Variants in RAD50 observed in about 807,000 individuals in gnomAD.
RAD50 encodes RAD50 double strand break repair protein, also known as DNA repair protein RAD50.
A neutral mutation model predicts 168.8 loss-of-function variants in RAD50; 132 were observed. The ratio of observed to expected loss-of-function variants is 0.78; its 90% CI spans 0.68 to 0.90. The LOEUF (loss-of-function observed/expected upper bound fraction) is 0.90, where lower values mean the gene tolerates loss of function less well. Among genes scored for constraint, RAD50 ranks in the 40% least tolerant of loss-of-function variants. RAD50 has a pLI of 0.00. For missense variants in RAD50, 1,347 were observed against 1,534.4 expected (o/e 0.88, Z 2.04); for synonymous variants, 525 against 497.4 (o/e 1.06, Z -0.74).
chr5:132,601,510 T>C (rs1324193316), intron 13 of RAD50, among the ~76,000 whole-genome samples: 1 of 152,182 alleles, frequency 6.6e-6, no homozygotes, highest in Non-Finnish European at 1.5e-5. Context: ...TTTTTAGATA[T>C]TGGGCACATA....
intron 2 of RAD50, among the ~76,000 whole-genome samples, chr5:132,571,537 G>A (rs1390932932): frequency 6.6e-6 from 1 of 152,110 alleles, no homozygotes; most frequent in Non-Finnish European, 1.5e-5. Context: ...AGGCAACATG[G>A]TGAAACCACA....
chr5:132,593,181 T>A (rs1750734330), intron 11 of RAD50: 1 of 195,808 alleles, frequency 5.1e-6, no homozygotes, highest in South Asian at 9.3e-5. Context: ...TGTTGTAAAG[T>A]ATCAATGATT....
chr5:132,637,246 C>T (rs757107812), intron 22 of RAD50, 46 bp downstream of exon 22: 36 of 1,584,034 alleles, frequency 2.3e-5, no homozygotes, highest in Middle Eastern at 1.7e-4. Context: ...AAGCCCTCTC[C>T]GCAGCTCTTC....
At chr5:132,639,954 C>T (rs915352791) in intron 23 of RAD50, among the ~76,000 whole-genome samples, 2 of 152,230 alleles carry the variant, frequency 1.3e-5, no homozygotes, top group African/African-American at 4.8e-5. Context: ...AGGGGACTTA[C>T]AGCTCACACC....
chr5:132,566,585 T>G (rs969821318), intron 2 of RAD50, among the ~76,000 whole-genome samples: 4 of 152,152 alleles, frequency 2.6e-5, no homozygotes, highest in African/African-American at 9.7e-5. Context: ...CCTTCCTATC[T>G]CTCCTCGATT....
intron 23 of RAD50, among the ~76,000 whole-genome samples, chr5:132,639,376 A>G (rs1247460846): frequency 6.6e-6 from 1 of 150,950 alleles, no homozygotes; most frequent in Non-Finnish European, 1.5e-5. Context: ...AAAAAAGAAC[A>G]TGCCATGCAT....
Position 132,645,763 on chromosome 5 carries a change from G to A in RAD50, c.*3399G>A, listed in dbSNP as rs1265410195. On this transcript the variant is annotated 3_prime_UTR_variant, in exon 25 of 25. Transcript: ENST00000378823. ...TACCTCAGAATTATCCCACCTAAGGGGCAAGAGACCTGGAGTATTTATATA... is the reference window on the plus strand; with the variant it reads ...TACCTCAGAATTATCCCACCTAAGGAGCAAGAGACCTGGAGTATTTATATA... 3.9e-5 allele frequency: 6 copies of A among 152,068 alleles called. No individual in the cohort carries two copies. The highest frequency in any genetic ancestry group is 8.8e-5 in the Non-Finnish European group (6 of 68,034). 9.4% of individuals were successfully genotyped at this position (152,068 alleles called of 1,614,324 possible).
chr5:132,642,413 T>C lies in RAD50; in HGVS notation c.*49T>C. The C allele has an allele frequency of 6.7e-7, 1 of 1,498,854 alleles. No homozygotes were observed. Among genetic ancestry groups the C allele is most frequent in the East Asian group, 2.3e-5 (1 of 44,044 alleles). The allele number at this position is 1,498,854 out of a possible 1,614,324, so 92.8% of individuals were successfully genotyped here. On this transcript the variant is annotated 3_prime_UTR_variant, in exon 25 of 25. Transcript: ENST00000378823. ...TAGAAATGTAGGTCCTCAGAAAGTG[T>C]ATAATAAGAAACTTATTTCTCATAT... is the stretch of plus-strand genomic sequence containing the variant.
chr5:132,609,103 A>T lies in RAD50; in HGVS notation c.2830-14A>T. The T allele has an allele frequency of 6.2e-7, 1 of 1,609,826 alleles. No homozygotes were observed. Among genetic ancestry groups the T allele is most frequent in the East Asian group, 2.2e-5 (1 of 44,736 alleles). On this transcript the variant is annotated splice_polypyrimidine_tract_variant and intron_variant, in intron 17 of 24. Transcript: ENST00000378823. ...AGTACAACCAGTGTAAATTTAATGA[A>T]TATTTTTCTACAGCTGAATGATATT...
intron 5 of RAD50, among the ~76,000 whole-genome samples, chr5:132,582,785 C>G (rs1292945904): frequency 6.6e-6 from 1 of 152,070 alleles, no homozygotes; most frequent in Non-Finnish European, 1.5e-5. Flanking sequence ...GCTTTAAACC[C>G]TTGGCTGTTT....
At chr5:132,622,851 C>G (rs1007225684) in intron 21 of RAD50, among the ~76,000 whole-genome samples, 3 of 152,076 alleles carry the variant, frequency 2.0e-5, no homozygotes, top group African/African-American at 7.2e-5. Flanking sequence ...TCCATCTACA[C>G]AGAAATTTTG....
chr5:132,584,470 T>G (rs1193544027), intron 5 of RAD50, among the ~76,000 whole-genome samples: 3 of 152,226 alleles, frequency 2.0e-5, no homozygotes, highest in South Asian at 2.1e-4. Context: ...GCTTGTTCAC[T>G]CTGATGGTAG....
rs557024660 is a variant in RAD50, at chr5:132,635,405, G to A, written c.3390-1710G>A. Among the ~76,000 whole-genome samples, 9 of 152,332 alleles carry A rather than the reference G, an allele frequency of 5.9e-5. No homozygotes were observed. In the South Asian group the frequency reaches 1.9e-3, roughly 32 times the overall value. ...TCCCCATCTCTTACACAGTACAGCT[G>A]TAAATTCCATAGTAGACAGAGAGGA... On this transcript the variant is annotated intron_variant, in intron 21 of 24. Transcript: ENST00000378823.
chr5:132,602,059 C>T (rs1750898690), intron 13 of RAD50, among the ~76,000 whole-genome samples: 1 of 152,072 alleles, frequency 6.6e-6, no homozygotes, highest in African/African-American at 2.4e-5. Context: ...AGCAAACCAC[C>T]ATGGCACGTG....
intron 23 of RAD50, among the ~76,000 whole-genome samples, chr5:132,639,991 C>T (rs978132237): frequency 2.0e-5 from 3 of 152,194 alleles, no homozygotes; most frequent in Non-Finnish European, 4.4e-5. Context: ...CCTAGAATAG[C>T]CCTACTCTCT....
intron 2 of RAD50, among the ~76,000 whole-genome samples, chr5:132,561,199 CT>C (rs199601779): frequency 6.6e-6 from 1 of 151,186 alleles, no homozygotes. Context: ...TGCTTGATTT[CT>C]TTTTTTTTAT....
At chr5:132,598,016 C>G (rs1185748090) in intron 13 of RAD50, among the ~76,000 whole-genome samples, 1 of 149,988 alleles carries the variant, frequency 6.7e-6, no homozygotes, top group African/African-American at 2.4e-5. Flanking sequence ...AAATTAACAT[C>G]GTATTATATT....
At chr5:132,580,099 T>A (rs1345159122) in intron 5 of RAD50, 33 bp downstream of exon 5, 23 of 1,518,242 alleles carry the variant, frequency 1.5e-5, no homozygotes, top group Non-Finnish European at 1.7e-5. Flanking sequence ...TGACAAAAAT[T>A]GTATATCTTT....
chr5:132,641,540 T>C (rs1194235754), intron 24 of RAD50, among the ~76,000 whole-genome samples: 1 of 152,134 alleles, frequency 6.6e-6, no homozygotes, highest in Non-Finnish European at 1.5e-5. Flanking sequence ...AAACCTCAAA[T>C]GCATCCAGCT....
Sources: gnomAD v4.1 joint callset for allele counts (sites outside exome capture counted in the v4.1 genomes callset) on GRCh38, gnomAD v4.1.1 for gene constraint, MANE v1.5 for transcripts, NCBI Gene and HGNC (gene_info 2026-07-23, HGNC 2026-07-21) for gene names.